Variants in LIMCH1 observed in about 807,000 individuals in gnomAD.
The protein encoded by LIMCH1 is LIM and calponin homology domains-containing protein 1.
Under a neutral mutation model 176.5 loss-of-function variants are expected in LIMCH1, and 113 were observed. The ratio of observed to expected loss-of-function variants is 0.64; its 90% CI spans 0.55 to 0.75. The LOEUF is 0.75. LIMCH1 is among the 30% of genes least tolerant of loss of function. The pLI is 0.00. For missense variants in LIMCH1, 1,674 were observed against 1,814.9 expected (o/e 0.92, Z 1.41); for synonymous variants, 619 against 645.9 (o/e 0.96, Z 0.63).
intron 29 of LIMCH1, among the ~76,000 whole-genome samples, chr4:41,688,509 T>C (rs572420838): frequency 6.6e-6 from 1 of 152,344 alleles, no homozygotes; most frequent in African/African-American, 2.4e-5. Context: ...TAGCATTTGA[T>C]TGGGGAACTC....
At chr4:41,589,771 G>A (rs1393627851) in intron 1 of LIMCH1, among the ~76,000 whole-genome samples, 1 of 152,136 alleles carries the variant, frequency 6.6e-6, no homozygotes, top group Non-Finnish European at 1.5e-5. Context: ...GGCTTCTCCT[G>A]TGTTCCTGGG....
intron 2 of LIMCH1, 51 bp downstream of exon 2, chr4:41,599,077 T>C: frequency 9.3e-7 from 1 of 1,080,656 alleles, no homozygotes; most frequent in Non-Finnish European, 1.4e-6. Context: ...TAGTTTGATT[T>C]GCAATTTTGT....
intron 31 of LIMCH1, among the ~76,000 whole-genome samples, chr4:41,695,253 G>C (rs1403325275): frequency 2.0e-5 from 3 of 149,954 alleles, no homozygotes; most frequent in African/African-American, 7.3e-5. Context: ...TTTCTTTTTT[G>C]GATTATAGGT....
At chr4:41,581,135 TATCTATCTATC>T (rs796285264) in intron 1 of LIMCH1, among the ~76,000 whole-genome samples, 9 of 132,204 alleles carry the variant, frequency 6.8e-5, no homozygotes, top group Admixed American at 1.4e-4. Context: ...TCTATCTATC[TATCTATCTATC>T]ATCTAATCAA....
At chr4:41,503,155 G>A (rs1451878163) in intron 2 of LIMCH1, among the ~76,000 whole-genome samples, 1 of 152,126 alleles carries the variant, frequency 6.6e-6, no homozygotes, top group Non-Finnish European at 1.5e-5. Context: ...TACTAGCTTT[G>A]CAATCCCAGC....
chr4:41,374,863 A>T (rs1022485067), intron 1 of LIMCH1, among the ~76,000 whole-genome samples: 2 of 152,198 alleles, frequency 1.3e-5, no homozygotes, highest in African/African-American at 2.4e-5. Context: ...GCTGGGAAAG[A>T]GCGACTCCAG....
At chr4:41,509,556 C>T (rs1296378750) in intron 2 of LIMCH1, among the ~76,000 whole-genome samples, 1 of 152,218 alleles carries the variant, frequency 6.6e-6, no homozygotes, top group Non-Finnish European at 1.5e-5. Flanking sequence ...GGCACCAAGA[C>T]TCATTAAGCC....
At chr4:41,502,900 AGGTAAAT>A (rs1275516589) in intron 2 of LIMCH1, among the ~76,000 whole-genome samples, 5 of 140,562 alleles carry the variant, frequency 3.6e-5, no homozygotes, top group African/African-American at 1.5e-4. Flanking sequence ...ATAAGCACGG[AGGTAAAT>A]CACACACACA....
At chr4:41,494,725 C>CA in intron 2 of LIMCH1, 1 of 666,954 alleles carries the variant, frequency 1.5e-6, no homozygotes, top group Admixed American at 3.0e-5. Flanking sequence ...ATCTGAAACT[C>CA]AAAAAATCCC....
At chr4:41,574,161 G>GATT (rs2152632741) in intron 1 of LIMCH1, among the ~76,000 whole-genome samples, 1 of 151,306 alleles carries the variant, frequency 6.6e-6, no homozygotes, top group East Asian at 2.0e-4. Flanking sequence ...TCAAGTAAAA[G>GATT]TCTCAGAAAG....
intron 2 of LIMCH1, among the ~76,000 whole-genome samples, chr4:41,500,031 G>A (rs534441111): frequency 7.9e-5 from 12 of 152,314 alleles, no homozygotes; most frequent in African/African-American, 2.9e-4. Flanking sequence ...ATCCAGGTTA[G>A]ACAGTTATAG....
chr4:41,525,240 A>ACG (rs201657419), intron 3 of LIMCH1, among the ~76,000 whole-genome samples: 3 of 152,316 alleles, frequency 2.0e-5, no homozygotes, highest in Non-Finnish European at 2.9e-5. Flanking sequence ...GTGCGTGCAC[A>ACG]CGCGCGCGCA....
chr4:41,636,203 C>T (rs2093579926), intron 13 of LIMCH1, among the ~76,000 whole-genome samples: 1 of 151,772 alleles, frequency 6.6e-6, no homozygotes, highest in African/African-American at 2.4e-5. Flanking sequence ...AGCCACCATG[C>T]CTGGCCTCAA....
At chr4:41,364,614 C>T (rs1420183040) in intron 1 of LIMCH1, among the ~76,000 whole-genome samples, 2 of 152,186 alleles carry the variant, frequency 1.3e-5, no homozygotes, top group Non-Finnish European at 2.9e-5. Context: ...ATAAAGTGAT[C>T]TTGGTAGTCC....
chr4:41,400,583 C>T (rs2058328191), intron 1 of LIMCH1, among the ~76,000 whole-genome samples: 1 of 152,100 alleles, frequency 6.6e-6, no homozygotes, highest in Non-Finnish European at 1.5e-5. Flanking sequence ...AATGCAGTTT[C>T]TTTAGGAAGT....
At chr4:41,638,405 T>C (rs1481105663) in intron 13 of LIMCH1, among the ~76,000 whole-genome samples, 1 of 152,208 alleles carries the variant, frequency 6.6e-6, no homozygotes, top group Non-Finnish European at 1.5e-5. Context: ...GGGGTTCTGG[T>C]TGGAGTTCTG....
chr4:41,432,073 G>T (rs974771337), intron 1 of LIMCH1, among the ~76,000 whole-genome samples: 1 of 152,200 alleles, frequency 6.6e-6, no homozygotes, highest in Non-Finnish European at 1.5e-5. Flanking sequence ...GTCCAAGGCA[G>T]TATACTTAGT....
chr4:41,579,717 C>CA (rs2085089786), intron 1 of LIMCH1, among the ~76,000 whole-genome samples: 1 of 152,208 alleles, frequency 6.6e-6, no homozygotes, highest in Non-Finnish European at 1.5e-5. Flanking sequence ...ACTGTACACT[C>CA]AGTGTTTTAA....
At chr4:41,691,494 C>T in intron 30 of LIMCH1, among the ~76,000 whole-genome samples, 1 of 151,708 alleles carries the variant, frequency 6.6e-6, no homozygotes, top group Non-Finnish European at 1.5e-5. Flanking sequence ...TGCCTGTAAT[C>T]CCAGCACTTT....
Sources: allele counts gnomAD v4.1 joint callset (sites outside exome capture counted in the v4.1 genomes callset), GRCh38; gene constraint gnomAD v4.1.1; transcripts MANE v1.5; gene names NCBI Gene and HGNC (gene_info 2026-07-23, HGNC 2026-07-21).